PPP6R2: variants seen among roughly 807,000 people sequenced by gnomAD.
PPP6R2 encodes the protein serine/threonine-protein phosphatase 6 regulatory subunit 2.
A neutral mutation model predicts 100.2 loss-of-function variants in PPP6R2; 62 were observed. That is an observed-to-expected ratio of 0.62 (90% CI 0.50 to 0.76). The LOEUF (loss-of-function observed/expected upper bound fraction) is 0.76. Ranked by LOEUF, PPP6R2 falls within the 30% of genes least tolerant of loss-of-function variation. The pLI is 0.00. For synonymous variants in PPP6R2, 525 were observed against 514.7 expected (o/e 1.02, Z -0.27); for missense variants, 1,142 against 1,276.3 (o/e 0.89, Z 1.60).
At chr22:50,384,846 TCCTCCCA>T (rs1250457567) in intron 2 of PPP6R2, among the ~76,000 whole-genome samples, 2 of 152,138 alleles carry the variant, frequency 1.3e-5, no homozygotes, top group African/African-American at 4.8e-5. Flanking sequence ...GCTCAAGCGA[TCCTCCCA>T]CCTCAGCCTC....
At chr22:50,338,030 GTGTGTT>G in the PPP6R2 span, among the ~76,000 whole-genome samples, 12 of 143,340 alleles carry the variant, frequency 8.4e-5, no homozygotes, top group South Asian at 2.3e-3. Flanking sequence ...GGTATGTGTG[GTGTGTT>G]TGTGTATGTG....
chr22:50,413,972 G>C (rs2060128432), intron 4 of PPP6R2, among the ~76,000 whole-genome samples: 1 of 152,238 alleles, frequency 6.6e-6, no homozygotes. Context: ...GATGGGTGCT[G>C]TGCCCCCCCA....
intron 8 of PPP6R2, among the ~76,000 whole-genome samples, chr22:50,421,017 GA>G (rs1569465441): frequency 6.6e-6 from 1 of 152,142 alleles, no homozygotes; most frequent in African/African-American, 2.4e-5. Flanking sequence ...TAAAGTGAAA[GA>G]AAAAGGAACA....
intron 3 of PPP6R2, 55 bp from the exon 4 acceptor site, chr22:50,406,634 C>A: frequency 1.3e-6 from 2 of 1,523,230 alleles, no homozygotes; most frequent in East Asian, 2.3e-5. Flanking sequence ...AAGCAGCTTC[C>A]TAAGAGTTGG....
At chr22:50,399,710 C>T (rs767868841) in intron 3 of PPP6R2, among the ~76,000 whole-genome samples, 1 of 152,280 alleles carries the variant, frequency 6.6e-6, no homozygotes, top group African/African-American at 2.4e-5. Context: ...GTGAGGCCCA[C>T]ACGCTGCCTC....
chr22:50,373,489 C>G (rs1412167310), intron 2 of PPP6R2, among the ~76,000 whole-genome samples: 1 of 151,846 alleles, frequency 6.6e-6, no homozygotes, highest in Non-Finnish European at 1.5e-5. Context: ...GTGATCCGCC[C>G]GCCTCGGCCT....
intron 3 of PPP6R2, among the ~76,000 whole-genome samples, chr22:50,395,010 T>C (rs2148906409): frequency 6.6e-6 from 1 of 152,144 alleles, no homozygotes; most frequent in East Asian, 1.9e-4. Context: ...TCAGAGTGTT[T>C]TGAGTGGCAA....
At chr22:50,403,619 C>G (rs1009732477) in intron 3 of PPP6R2, among the ~76,000 whole-genome samples, 4 of 152,210 alleles carry the variant, frequency 2.6e-5, no homozygotes, top group African/African-American at 4.8e-5. Flanking sequence ...AGCTCTCAGG[C>G]CCCCTCTCTG....
intron 10 of PPP6R2, among the ~76,000 whole-genome samples, chr22:50,424,326 A>AGCGTGTGGAAGGTCTGTCC (rs1201349126): frequency 7.0e-6 from 1 of 143,512 alleles, no homozygotes. Flanking sequence ...CAGTTCTGTC[A>AGCGTGTGGAAGGTCTGTCC]GCGTGTGGAA....
At chr22:50,402,942 G>T (rs2058283198) in intron 3 of PPP6R2, among the ~76,000 whole-genome samples, 1 of 152,204 alleles carries the variant, frequency 6.6e-6, no homozygotes, top group Non-Finnish European at 1.5e-5. Flanking sequence ...GCTGGGTGTG[G>T]TGGCTCACGC....
At chr22:50,376,253 G>C (rs1177879402) in intron 2 of PPP6R2, among the ~76,000 whole-genome samples, 2 of 151,986 alleles carry the variant, frequency 1.3e-5, no homozygotes, top group African/African-American at 4.8e-5. Flanking sequence ...CCATGAGTTT[G>C]AGGCTGCTGT....
chr22:50,332,864 C>A, the PPP6R2 span, among the ~76,000 whole-genome samples: 1 of 152,240 alleles, frequency 6.6e-6, no homozygotes, highest in South Asian at 2.1e-4. Context: ...CGTCGTGATC[C>A]ACCCGCCTCT....
chr22:50,407,922 G>A lies in PPP6R2; in HGVS notation c.414+1047G>A, dbSNP rs143541738. On this transcript the variant is annotated intron_variant, in intron 4 of 23. Coordinates refer to ENST00000612753, the MANE Select transcript of PPP6R2 (RefSeq NM_001242898.2). ...TATTTTTGAGACAGGGTCTCACTAC[G>A]CCCAGGCTAGAGTCCACTGGCTCCA... Among the ~76,000 whole-genome samples, 660 of 152,024 alleles carry A rather than the reference G, an allele frequency of 4.3e-3. 6 individuals are homozygous for A. The highest frequency in any genetic ancestry group is 0.015 in the African/African-American group (617 of 41,456).
chr22:50,432,670 T>G (rs1165086699), intron 12 of PPP6R2, among the ~76,000 whole-genome samples: 1 of 152,214 alleles, frequency 6.6e-6, no homozygotes, highest in Non-Finnish European at 1.5e-5. Flanking sequence ...CCGTCAGCAC[T>G]CGCACACAGG....
At chr22:50,351,040 T>TTG (rs2045053136) in intron 1 of PPP6R2, among the ~76,000 whole-genome samples, 1 of 110,888 alleles carries the variant, frequency 9.0e-6, no homozygotes, top group African/African-American at 3.4e-5. Context: ...TTTTTTTTTT[T>TTG]TTTTTTTTTT....
chr22:50,408,953 A>G (rs1447033044), intron 4 of PPP6R2, among the ~76,000 whole-genome samples: 1 of 152,212 alleles, frequency 6.6e-6, no homozygotes, highest in Non-Finnish European at 1.5e-5. Context: ...CGTCTCTACT[A>G]AAAATACAAA....
intron 3 of PPP6R2, among the ~76,000 whole-genome samples, chr22:50,396,189 C>A (rs1352806882): frequency 2.8e-5 from 3 of 108,892 alleles, no homozygotes; most frequent in Non-Finnish European, 5.3e-5. Context: ...GAGCAAGACT[C>A]TGGCTCAAAA....
chr22:50,336,258 G>T, the PPP6R2 span, among the ~76,000 whole-genome samples: 3 of 152,164 alleles, frequency 2.0e-5, no homozygotes, highest in African/African-American at 7.2e-5. Context: ...AAAGTGCTGG[G>T]ATTACAGGTG....
upstream of PPP6R2, among the ~76,000 whole-genome samples, chr22:50,339,516 GTGTGGTA>G (rs1488271895): frequency 1.1e-4 from 15 of 140,314 alleles, no homozygotes; most frequent in African/African-American, 2.4e-4. Context: ...TGTGTGGTGT[GTGTGGTA>G]TGTGGTGTGT....
Sources: gnomAD v4.1 joint callset for allele counts (sites outside exome capture counted in the v4.1 genomes callset) on GRCh38, gnomAD v4.1.1 for gene constraint, MANE v1.5 for transcripts, NCBI Gene and HGNC (gene_info 2026-07-23, HGNC 2026-07-21) for gene names.